The following ADK variants were observed in gnomAD, a reference collection of about 807,000 sequenced individuals.
ADK encodes the protein N6,N6-dimethyladenosine kinase.
ADK carries 24 observed loss-of-function variants against 44.7 expected under a neutral mutation model. That is an observed-to-expected ratio of 0.54 (90% CI 0.39 to 0.76). The LOEUF (loss-of-function observed/expected upper bound fraction) is 0.76, where lower values mean the gene tolerates loss of function less well. ADK is among the 30% of genes least tolerant of loss of function. The pLI, the probability that ADK is intolerant of heterozygous loss-of-function variation, is 0.00. For missense variants in ADK, 321 were observed against 425.1 expected (o/e 0.76, Z 2.15); for synonymous variants, 128 against 142.6 (o/e 0.90, Z 0.73).
chr10:74,687,558 A>G (rs1855837415), intron 10 of ADK, among the ~76,000 whole-genome samples: 1 of 152,190 alleles, frequency 6.6e-6, no homozygotes, highest in Non-Finnish European at 1.5e-5. Context: ...TAATACGTGG[A>G]TGGGCTCTAT....
rs529682635 is a variant in ADK at position 74,283,858 on chromosome 10, T to G, written c.195-30809T>G. On this transcript the variant is annotated intron_variant, in intron 3 of 10. Coordinates refer to ENST00000539909, the MANE Select transcript of ADK (RefSeq NM_006721.4). ...ACCACGCCTGGCTAATTTTTTGTAT[T>G]TTTAGTAGAGATGGGGTTTCACCGT... 1.3e-3 allele frequency among the ~76,000 whole-genome samples: 201 copies of G among 151,540 alleles called. 1 individual carries two copies. Among genetic ancestry groups the G allele is most frequent in the African/African-American group, 4.6e-3 (189 of 41,276 alleles).
At chr10:74,356,021 T>G (rs867715346) in intron 4 of ADK, among the ~76,000 whole-genome samples, 3 of 126,032 alleles carry the variant, frequency 2.4e-5, no homozygotes, top group Non-Finnish European at 5.1e-5. Flanking sequence ...TTTTTTTTTT[T>G]TTTTTTTTGA....
chr10:74,486,034 T>C (rs903332714), intron 6 of ADK, among the ~76,000 whole-genome samples: 15 of 152,204 alleles, frequency 9.9e-5, no homozygotes, highest in African/African-American at 3.6e-4. Flanking sequence ...GTTAGGCTTT[T>C]TCTCCCATAT....
intron 6 of ADK, among the ~76,000 whole-genome samples, chr10:74,446,405 A>G (rs865955159): frequency 2.0e-5 from 3 of 152,252 alleles, no homozygotes; most frequent in Middle Eastern, 3.4e-3. Context: ...AACCTCTCCT[A>G]TGGATCAAAT....
chr10:74,310,826 T>G (rs1307831703), intron 3 of ADK, among the ~76,000 whole-genome samples: 1 of 152,182 alleles, frequency 6.6e-6, no homozygotes, highest in Non-Finnish European at 1.5e-5. Context: ...TTTATTGTTT[T>G]AGCCTCAACC....
chr10:74,310,143 G>A (rs1840384939), intron 3 of ADK, among the ~76,000 whole-genome samples: 1 of 151,900 alleles, frequency 6.6e-6, no homozygotes, highest in African/African-American at 2.4e-5. Context: ...TGTTTATATG[G>A]CCACCCCGTT....
intron 10 of ADK, among the ~76,000 whole-genome samples, chr10:74,672,400 C>A (rs1315252839): frequency 1.3e-5 from 2 of 152,158 alleles, no homozygotes; most frequent in African/African-American, 4.8e-5. Context: ...GTTTGCCAAA[C>A]CCTCTTTAAA....
intron 3 of ADK, among the ~76,000 whole-genome samples, chr10:74,255,162 T>G (rs1239917944): frequency 6.6e-6 from 1 of 152,008 alleles, no homozygotes; most frequent in Non-Finnish European, 1.5e-5. Context: ...AGGTCCTAGT[T>G]GGGGGTTGGA....
At chr10:74,490,361 G>A (rs1235301140) in intron 6 of ADK, among the ~76,000 whole-genome samples, 2 of 152,118 alleles carry the variant, frequency 1.3e-5, no homozygotes, top group Non-Finnish European at 2.9e-5. Flanking sequence ...GTAGAACGAT[G>A]TTAAACCCAC....
rs549036080 is a variant in ADK at position 74,697,513 on chromosome 10, G to A, written c.965-10808G>A. Among the ~76,000 whole-genome samples the A allele has an allele frequency of 7.2e-5, 11 of 152,332 alleles. No homozygotes were observed. The East Asian group carries it at 1.9e-3, about 27-fold the overall frequency. On this transcript the variant is annotated intron_variant, in intron 10 of 10. Coordinates refer to ENST00000539909, the MANE Select transcript of ADK (RefSeq NM_006721.4). ...CTTTATTCCTCCAAGTTTAAAAAGT[G>A]CAGCTTGCTTACTTGTTGACAAGCT... is the stretch of plus-strand genomic sequence containing the variant.
chr10:74,484,527 A>G (rs891918360), intron 6 of ADK, among the ~76,000 whole-genome samples: 4 of 152,234 alleles, frequency 2.6e-5, no homozygotes, highest in Non-Finnish European at 2.9e-5. Flanking sequence ...TAAAATGTCA[A>G]TTCTCCCTAC....
intron 7 of ADK, among the ~76,000 whole-genome samples, chr10:74,585,946 A>C (rs1415305183): frequency 6.6e-6 from 1 of 152,194 alleles, no homozygotes; most frequent in African/African-American, 2.4e-5. Flanking sequence ...TGATATTTGG[A>C]ACCTGTCTTG....
intron 2 of ADK, among the ~76,000 whole-genome samples, chr10:74,210,890 AT>A (rs1011527874): frequency 1.1e-4 from 17 of 150,488 alleles, no homozygotes; most frequent in Non-Finnish European, 1.5e-4. Flanking sequence ...TTTGTAGTTA[AT>A]TTTTTTTTTC....
chr10:74,596,464 C>G (rs543730033), intron 8 of ADK, among the ~76,000 whole-genome samples: 112 of 152,298 alleles, frequency 7.4e-4, no homozygotes, highest in African/African-American at 2.7e-3. Context: ...TCTCAGCTCA[C>G]TGCAACCTCT....
intron 6 of ADK, among the ~76,000 whole-genome samples, chr10:74,411,914 A>G (rs1208921269): frequency 6.6e-6 from 1 of 152,250 alleles, no homozygotes; most frequent in African/African-American, 2.4e-5. Context: ...CGTGTTCACC[A>G]GGAGTAGATT....
intron 9 of ADK, among the ~76,000 whole-genome samples, chr10:74,648,017 A>G (rs1854115807): frequency 6.6e-6 from 1 of 152,162 alleles, no homozygotes; most frequent in Admixed American, 6.5e-5. Flanking sequence ...TCTTCAATAG[A>G]TTAAAATGCA....
chr10:74,546,069 A>G (rs1255430879), intron 7 of ADK, among the ~76,000 whole-genome samples: 2 of 152,228 alleles, frequency 1.3e-5, no homozygotes, highest in Admixed American at 6.5e-5. Flanking sequence ...AATTTACTCT[A>G]CAAGCAAACT....
At chr10:74,385,663 G>A (rs1171364514) in intron 4 of ADK, among the ~76,000 whole-genome samples, 5 of 152,122 alleles carry the variant, frequency 3.3e-5, no homozygotes, top group African/African-American at 1.2e-4. Context: ...TGTTGTCATC[G>A]TCAGCTGTAC....
chr10:74,558,073 G>T (rs1589246581), intron 7 of ADK, among the ~76,000 whole-genome samples: 1 of 152,056 alleles, frequency 6.6e-6, no homozygotes, highest in Non-Finnish European at 1.5e-5. Context: ...TAGCCCACAG[G>T]TGTGACTCTC....
Sources: allele counts gnomAD v4.1 joint callset (sites outside exome capture counted in the v4.1 genomes callset), GRCh38; gene constraint gnomAD v4.1.1; transcripts MANE v1.5; gene names NCBI Gene and HGNC (gene_info 2026-07-23, HGNC 2026-07-21).